LOXHD1: variants seen among roughly 807,000 people sequenced by gnomAD.
LOXHD1 encodes lipoxygenase homology PLAT domains 1, also known as lipoxygenase homology domain-containing protein 1.
Under a neutral mutation model 248.2 loss-of-function variants are expected in LOXHD1, and 205 were observed. The ratio of observed to expected loss-of-function variants is 0.83; its 90% CI spans 0.74 to 0.93. LOXHD1 has a LOEUF of 0.93. LOXHD1 is among the 40% of genes least tolerant of loss of function. The pLI is 0.00. For missense variants in LOXHD1, 2,930 were observed against 2,971.6 expected (o/e 0.99, Z 0.33); for synonymous variants, 1,113 against 1,162.8 (o/e 0.96, Z 0.87).
chr18:46,485,954 A>G (rs1005129240), intron 38 of LOXHD1, among the ~76,000 whole-genome samples: 2 of 151,722 alleles, frequency 1.3e-5, no homozygotes, highest in African/African-American at 4.8e-5. Context: ...TTCTGCCTGG[A>G]GTCCTTCCCT....
chr18:46,641,879 C>G lies in LOXHD1; in HGVS notation c.326+77G>C, dbSNP rs145925141. 6.0e-5 allele frequency: 83 copies of G among 1,391,062 alleles called. No homozygotes were observed. In the East Asian group the frequency reaches 1.8e-3, roughly 31 times the overall value. 86.2% of individuals were successfully genotyped at this position (1,391,062 alleles called of 1,614,324 possible). A position where few individuals can be genotyped will look rare whatever the true frequency, so the allele number is the denominator to read the frequency against. On this transcript the variant is annotated intron_variant, in intron 3 of 40. Transcript: ENST00000642948. Reference sequence around the variant, plus strand: ...ATAACATCTGGGAAGTAATTCATACCCAGAAATTGTCAATATTGAAGTCAA... The same window carrying G: ...ATAACATCTGGGAAGTAATTCATACGCAGAAATTGTCAATATTGAAGTCAA...
chr18:46,551,779 G>A (rs1242256044), intron 21 of LOXHD1, among the ~76,000 whole-genome samples: 1 of 152,162 alleles, frequency 6.6e-6, no homozygotes, highest in African/African-American at 2.4e-5. Flanking sequence ...CAGAGCCCAG[G>A]TTGACCCAAG....
intron 8 of LOXHD1, among the ~76,000 whole-genome samples, chr18:46,596,913 T>C (rs2038265346): frequency 1.3e-5 from 2 of 152,096 alleles, no homozygotes; most frequent in Non-Finnish European, 1.5e-5. Context: ...AAATCAGAGT[T>C]TACCAACAAT....
intron 15 of LOXHD1, among the ~76,000 whole-genome samples, chr18:46,571,708 T>C (rs1004260430): frequency 1.3e-5 from 2 of 152,214 alleles, no homozygotes; most frequent in Non-Finnish European, 2.9e-5. Context: ...ATGTCACCAG[T>C]AAGGAAAACT....
At position 46,649,201 on chromosome 18, in the gene LOXHD1, G is replaced by A; in HGVS notation, c.199C>T (p.Leu67Phe). The A allele has an allele frequency of 1.3e-6, 2 of 1,551,796 alleles. No individual in the cohort carries two copies. Among genetic ancestry groups the A allele is most frequent in the Non-Finnish European group, 8.7e-7 (1 of 1,147,008 alleles). ...AGTDANVFIT[L>F]FGENGLSPKL... ...GGAGAGAGCCCATTCTCTCCAAAAA[G>A]CGTGATGAAGACATTGGCATCCGTC... Residue 67 changes from leucine (L) to phenylalanine (F), a missense_variant, in exon 2 of 41, where the codon CTT (leucine) becomes TTT (phenylalanine). Transcript: ENST00000642948.
intron 35 of LOXHD1, among the ~76,000 whole-genome samples, chr18:46,509,228 G>T (rs1486163387): frequency 6.6e-6 from 1 of 152,128 alleles, no homozygotes; most frequent in African/African-American, 2.4e-5. Context: ...CTCAGGCAGG[G>T]TGCTGACGGC....
In LOXHD1 at chr18:46,557,353, C is replaced by T. The variant is rs776261184; in HGVS notation, c.3350+3G>A. On this transcript the variant is annotated splice_donor_region_variant and intron_variant, in intron 21 of 40. Coordinates refer to ENST00000642948, the MANE Select transcript of LOXHD1 (RefSeq NM_001384474.1). ...CCTCCCTGCCCACTGCCCCCACACT[C>T]ACGTGATCTCGTTGTTCATGTCAGT... The T allele has an allele frequency of 6.4e-7, 1 of 1,552,248 alleles. No individual in the cohort carries two copies. The highest frequency in any genetic ancestry group is 8.7e-7 in the Non-Finnish European group (1 of 1,147,144).
chr18:46,500,083 C>T (rs936196947), intron 37 of LOXHD1, among the ~76,000 whole-genome samples: 2 of 152,086 alleles, frequency 1.3e-5, no homozygotes, highest in Non-Finnish European at 2.9e-5. Context: ...ATTCCTTCCC[C>T]TTCTCTTTTC....
At position 46,577,770 on chromosome 18, in the gene LOXHD1, TC is replaced by T. The variant is rs1190328421; in HGVS notation, c.1906del (p.Asp636ThrfsTer5). On this transcript the variant is annotated frameshift_variant, in exon 14 of 41. Coordinates refer to ENST00000642948, the MANE Select transcript of LOXHD1 (RefSeq NM_001384474.1). LOFTEE classifies it high-confidence loss of function. ...GKGSGSGWYLDRVLVREEGQP... is the reference protein window; with the variant it reads ...GKGSGSGWYLXRVLVREEGQP... ...CCCCTCCTCTCTCACCAGCACTCTG[TC>T]CAGGTACCAGCCGCTGCCGGAGCCT... is the stretch of plus-strand genomic sequence containing the variant. 1 of 1,551,592 alleles carries T rather than the reference TC, an allele frequency of 6.4e-7. No homozygotes were observed. Among genetic ancestry groups the T allele is most frequent in the Admixed American group, 2.0e-5 (1 of 50,990 alleles).
Position 46,538,277 on chromosome 18 carries a change from T to C in LOXHD1, c.3974A>G (p.Asn1325Ser). ...SDVFAAGTDA[N>S]IFIIIYGCDA... ...GCAGCCATAGATGATGATGAAGATG[T>C]TGGCATCTGTCCCAGCAGCAAAGAC... The change falls in exon 26 of 41, where the codon AAC becomes AGC. Residue 1325 changes from asparagine to serine, a missense_variant. Coordinates refer to ENST00000642948, the MANE Select transcript of LOXHD1 (RefSeq NM_001384474.1). 8 of 1,551,548 alleles carry C rather than the reference T, an allele frequency of 5.2e-6. No homozygotes were observed. Among genetic ancestry groups the C allele is most frequent in the Non-Finnish European group, 7.0e-6 (8 of 1,146,840 alleles).
chr18:46,528,976 G>A (rs1350827465), intron 29 of LOXHD1, among the ~76,000 whole-genome samples: 2 of 152,032 alleles, frequency 1.3e-5, no homozygotes, highest in Non-Finnish European at 2.9e-5. Context: ...CATCCCCTAT[G>A]CAGGATCCAG....
At chr18:46,644,669 C>G (rs1326367197) in intron 2 of LOXHD1, among the ~76,000 whole-genome samples, 2 of 151,986 alleles carry the variant, frequency 1.3e-5, no homozygotes, top group African/African-American at 2.4e-5. Flanking sequence ...AGTGAGTGAG[C>G]CTTGATCTTG....
At chr18:46,555,863 T>C (rs1315308763) in intron 21 of LOXHD1, among the ~76,000 whole-genome samples, 2 of 152,030 alleles carry the variant, frequency 1.3e-5, no homozygotes, top group African/African-American at 4.8e-5. Flanking sequence ...TGTGGACCTA[T>C]GGGAAGACAT....
chr18:46,479,605 C>A (rs1395114225), intron 40 of LOXHD1, among the ~76,000 whole-genome samples: 1 of 151,962 alleles, frequency 6.6e-6, no homozygotes, highest in African/African-American at 2.4e-5. Flanking sequence ...TTGGACTGAA[C>A]AATTGCTATG....
intron 28 of LOXHD1, among the ~76,000 whole-genome samples, chr18:46,532,914 G>A (rs2036137726): frequency 6.6e-6 from 1 of 152,216 alleles, no homozygotes; most frequent in African/African-American, 2.4e-5. Context: ...GACCAGGGAA[G>A]AATTTTAGCA....
At position 46,521,736 on chromosome 18, in the gene LOXHD1, G is replaced by A. The variant is rs150347722; in HGVS notation, c.5085+365C>T. Among the ~76,000 whole-genome samples, 465 of 152,280 alleles carry A rather than the reference G, an allele frequency of 3.1e-3. 2 individuals are homozygous for A. Among genetic ancestry groups the A allele is most frequent in the South Asian group, 6.0e-3 (29 of 4,824 alleles). On this transcript the variant is annotated intron_variant, in intron 32 of 40. Coordinates refer to ENST00000642948, the MANE Select transcript of LOXHD1 (RefSeq NM_001384474.1). ...AAAATCGCAGCCCTGGCTGCAACTTGATTTCAGCCCACTGAGATCTCAAAG... is the reference window on the plus strand; with the variant it reads ...AAAATCGCAGCCCTGGCTGCAACTTAATTTCAGCCCACTGAGATCTCAAAG...
intron 37 of LOXHD1, among the ~76,000 whole-genome samples, chr18:46,490,649 A>G (rs995661409): frequency 2.0e-5 from 3 of 151,982 alleles, no homozygotes; most frequent in African/African-American, 7.2e-5. Flanking sequence ...CTAATCTTGT[A>G]TTTTTATTAG....
intron 5 of LOXHD1, among the ~76,000 whole-genome samples, chr18:46,612,251 C>T (rs748048472): frequency 2.0e-5 from 3 of 152,142 alleles, no homozygotes; most frequent in Non-Finnish European, 4.4e-5. Flanking sequence ...TGAATAGATA[C>T]CTACAGCTTC....
intron 8 of LOXHD1, among the ~76,000 whole-genome samples, chr18:46,594,763 G>C (rs1044935908): frequency 3.3e-5 from 5 of 152,138 alleles, no homozygotes; most frequent in African/African-American, 1.2e-4. Context: ...TAAATTCTCA[G>C]TTAATCTGAA....
Sources: allele counts gnomAD v4.1 joint callset (sites outside exome capture counted in the v4.1 genomes callset), GRCh38; gene constraint gnomAD v4.1.1; transcripts MANE v1.5; gene names NCBI Gene and HGNC (gene_info 2026-07-23, HGNC 2026-07-21).